The following MBOAT1 variants were observed in gnomAD, a reference collection of about 807,000 sequenced individuals.
The protein encoded by MBOAT1 is membrane bound glycerophospholipid O-acyltransferase 1.
In MBOAT1, 67 loss-of-function variants were observed where a neutral mutation model predicts 64.4. That is an observed-to-expected ratio of 1.04 (90% CI 0.85 to 1.27). The LOEUF is 1.27. MBOAT1 is among the 50% of genes most tolerant of loss of function. The probability of loss-of-function intolerance (pLI) is 0.00; values close to 1 mark genes in which losing one functional copy is unlikely to be tolerated. For missense variants in MBOAT1, 563 were observed against 604.6 expected, an observed-to-expected ratio of 0.93 and a Z score of 0.72; for synonymous variants, 229 against 218.9, an observed-to-expected ratio of 1.05 and a Z score of -0.41.
In MBOAT1 at chr6:20,173,933, G is replaced by A. The variant is rs570144919; in HGVS notation, c.100-21164C>T. On this transcript the variant is annotated intron_variant, in intron 1 of 12. Coordinates refer to ENST00000324607, the MANE Select transcript of MBOAT1 (RefSeq NM_001080480.3). ...CCACTGCACTCCAGCCTAGGCAACA[G>A]AGTGAGACTCTGTCTCAAATAAAGT... Among the ~76,000 whole-genome samples, 3 of 152,336 alleles carry A rather than the reference G, an allele frequency of 2.0e-5. No individual in the cohort carries two copies. The South Asian group carries it at 6.2e-4, about 32-fold the overall frequency.
rs780160489 is a variant in MBOAT1, at chr6:20,126,693, GT to G, written c.537del (p.Lys179AsnfsTer8). 6.2e-7 allele frequency: 1 copy of G among 1,602,738 alleles called. No homozygotes were observed. The highest frequency in any genetic ancestry group is 1.8e-5 in the Admixed American group (1 of 56,968). On this transcript the variant is annotated frameshift_variant, in exon 7 of 13. Coordinates refer to ENST00000324607, the MANE Select transcript of MBOAT1 (RefSeq NM_001080480.3). LOFTEE classifies it high-confidence loss of function. ...TAACTTAAGTATTCCAAAAAAGAGG[GT>G]TTCACTCTGTGAAAATAAAGTAAAT... ...AEQHRLAIKV[K>X]PSFLEYLSYL...
intron 5 of MBOAT1, among the ~76,000 whole-genome samples, chr6:20,130,443 T>G (rs773432219): frequency 6.6e-6 from 1 of 152,102 alleles, no homozygotes; most frequent in Non-Finnish European, 1.5e-5. Context: ...AACCTCTGCC[T>G]CCCGGGTTCA....
At chr6:20,127,767 C>T (rs539313997) in intron 6 of MBOAT1, among the ~76,000 whole-genome samples, 6 of 152,160 alleles carry the variant, frequency 3.9e-5, no homozygotes, top group African/African-American at 7.2e-5. Context: ...TTATATATTA[C>T]GATGTAATAA....
At chr6:20,134,149 T>C (rs1030753218) in intron 4 of MBOAT1, among the ~76,000 whole-genome samples, 2 of 152,232 alleles carry the variant, frequency 1.3e-5, no homozygotes, top group African/African-American at 4.8e-5. Context: ...TTTTCCAGCC[T>C]CATCCATTTC....
At chr6:20,123,867 T>G (rs891071865) in intron 8 of MBOAT1, among the ~76,000 whole-genome samples, 4 of 152,190 alleles carry the variant, frequency 2.6e-5, no homozygotes, top group African/African-American at 4.8e-5. Flanking sequence ...CCATCCTGGC[T>G]AACACTGTGA....
chr6:20,155,140 G>T (rs1226657254), intron 1 of MBOAT1, among the ~76,000 whole-genome samples: 1 of 152,204 alleles, frequency 6.6e-6, no homozygotes, highest in Non-Finnish European at 1.5e-5. Context: ...AGGATGGATC[G>T]TGGTTCTCAC....
intron 1 of MBOAT1, among the ~76,000 whole-genome samples, chr6:20,174,820 G>A (rs560839787): frequency 5.6e-4 from 85 of 152,326 alleles, no homozygotes; most frequent in Non-Finnish European, 1.0e-3. Context: ...GATCCACACT[G>A]ATTGCAAATT....
intron 1 of MBOAT1, among the ~76,000 whole-genome samples, chr6:20,167,851 C>T (rs1444839811): frequency 1.3e-5 from 2 of 152,208 alleles, no homozygotes; most frequent in Non-Finnish European, 2.9e-5. Context: ...ACCACACGAA[C>T]TGTACGATGC....
intron 8 of MBOAT1, among the ~76,000 whole-genome samples, chr6:20,120,293 A>G (rs1055561482): frequency 1.3e-5 from 2 of 152,144 alleles, no homozygotes; most frequent in African/African-American, 4.8e-5. Context: ...ACAAAATTAA[A>G]TATGTGTGCA....
chr6:20,130,416 C>T (rs892016841), intron 5 of MBOAT1, among the ~76,000 whole-genome samples: 13 of 152,054 alleles, frequency 8.5e-5, no homozygotes, highest in Admixed American at 1.3e-4. Context: ...TGCAGTGGCG[C>T]GATCTCGGCT....
chr6:20,212,334 G>A lies in MBOAT1; in HGVS notation c.-100C>T. 10 of 1,079,902 alleles carry A rather than the reference G, an allele frequency of 9.3e-6. No individual in the cohort carries two copies. The highest frequency in any genetic ancestry group is 5.7e-5 in the South Asian group (4 of 70,044). The allele number at this position is 1,079,902 out of a possible 1,614,324, so 66.9% of individuals were successfully genotyped here. A position where few individuals can be genotyped will look rare whatever the true frequency, so the allele number is the denominator to read the frequency against. Reference sequence around the variant, plus strand: ...CTCTTGGGTGGTTGCCCCGAGAGGCGCACGGCCGCCTGGTTCGCGGGGGAG... The same window carrying A: ...CTCTTGGGTGGTTGCCCCGAGAGGCACACGGCCGCCTGGTTCGCGGGGGAG... On this transcript the variant is annotated 5_prime_UTR_variant, in exon 1 of 13. Coordinates refer to ENST00000324607, the MANE Select transcript of MBOAT1 (RefSeq NM_001080480.3).
chr6:20,176,233 G>A (rs1245465795), intron 1 of MBOAT1, among the ~76,000 whole-genome samples: 1 of 151,998 alleles, frequency 6.6e-6, no homozygotes, highest in East Asian at 1.9e-4. Flanking sequence ...ACAGTGAGCT[G>A]TGATTGCACC....
chr6:20,211,717 A>T (rs181499968), intron 1 of MBOAT1, among the ~76,000 whole-genome samples: 71 of 152,166 alleles, frequency 4.7e-4, no homozygotes, highest in African/African-American at 1.7e-3. Flanking sequence ...AAATCTATAG[A>T]CTACCGTCTA....
chr6:20,152,573 C>A, intron 2 of MBOAT1, 51 bp downstream of exon 2: 1 of 1,557,502 alleles, frequency 6.4e-7, no homozygotes, highest in East Asian at 2.4e-5. Context: ...AAGGACATTG[C>A]CACAAAACAT....
intron 3 of MBOAT1, among the ~76,000 whole-genome samples, chr6:20,147,240 C>T (rs1406338760): frequency 6.6e-6 from 1 of 152,200 alleles, no homozygotes; most frequent in Admixed American, 6.5e-5. Context: ...TGAAAACAGA[C>T]AAATACACAG....
chr6:20,102,435 A>G, intron 12 of MBOAT1, 23 bp from the exon 13 acceptor site: 1 of 1,571,808 alleles, frequency 6.4e-7, no homozygotes, highest in Non-Finnish European at 8.7e-7. Flanking sequence ...ATATACAAAA[A>G]TTATATTTCA....
intron 8 of MBOAT1, among the ~76,000 whole-genome samples, chr6:20,119,180 T>A (rs1325532022): frequency 3.9e-5 from 6 of 152,204 alleles, no homozygotes; most frequent in African/African-American, 1.4e-4. Context: ...TGGGGCCAGC[T>A]GCAATGGAGG....
intron 1 of MBOAT1, among the ~76,000 whole-genome samples, chr6:20,185,600 A>G (rs1042043436): frequency 1.3e-5 from 2 of 152,124 alleles, no homozygotes; most frequent in African/African-American, 4.8e-5. Context: ...CTCTCTCCAC[A>G]CTTACATACA....
chr6:20,128,059 G>A (rs1424108910), intron 6 of MBOAT1, among the ~76,000 whole-genome samples: 1 of 151,986 alleles, frequency 6.6e-6, no homozygotes, highest in African/African-American at 2.4e-5. Flanking sequence ...TATGCCAGTT[G>A]TCCCTGCTTC....
Sources: gnomAD v4.1 joint callset for allele counts (sites outside exome capture counted in the v4.1 genomes callset) on GRCh38, gnomAD v4.1.1 for gene constraint, MANE v1.5 for transcripts, NCBI Gene and HGNC (gene_info 2026-07-23, HGNC 2026-07-21) for gene names.